The following NLRP10 variants were observed in gnomAD, a reference collection of about 807,000 sequenced individuals.
NLRP10 encodes NLR family pyrin domain containing 10.
NLRP10 carries 7 observed loss-of-function variants against 8.2 expected under a neutral mutation model. The ratio of observed to expected loss-of-function variants is 0.85; its 90% CI spans 0.48 to 1.60. The LOEUF (loss-of-function observed/expected upper bound fraction) is 1.60. Ranked by LOEUF, NLRP10 falls within the 40% of genes most tolerant of loss-of-function variation. The probability of loss-of-function intolerance (pLI) is 0.00; values close to 1 mark genes in which losing one functional copy is unlikely to be tolerated. For missense variants in NLRP10, 814 were observed against 776.3 expected (o/e 1.05, Z -0.58); for synonymous variants, 338 against 314.0 (o/e 1.08, Z -0.81).
Position 7,960,105 on chromosome 11 carries a change from C to T in NLRP10, c.1507G>A (p.Glu503Lys). ...GTCATCTCATCATTCCCTTCCTGCTCCTTTACCTCCAGCAGCCTTTGCACT... is the reference window on the plus strand; with the variant it reads ...GTCATCTCATCATTCCCTTCCTGCTTCTTTACCTCCAGCAGCCTTTGCACT... The part of the protein sequence containing the change: ...REVQRLLEVK[E>K]QEGNDEMTLT... Residue 503 changes from glutamate to lysine, a missense_variant, in exon 3 of 3, where the codon GAG becomes AAG. Transcript: ENST00000691676. The T allele has an allele frequency of 1.2e-6, 2 of 1,614,136 alleles. No homozygotes were observed. Among genetic ancestry groups the T allele is most frequent in the Non-Finnish European group, 8.5e-7 (1 of 1,180,010 alleles).
At position 7,960,161 on chromosome 11, in the gene NLRP10, T is replaced by C; in HGVS notation, c.1451A>G (p.Gln484Arg). ...HAMSYLVKED[Q>R]SRLGKESRRE... ...GCGGGACTCCTTCCCCAGCCGGCTT[T>C]GGTCCTCTTTCACCAGGTAAGACAT... Residue 484 changes from glutamine (Q) to arginine (R), a missense_variant, in exon 3 of 3, where the codon CAA (glutamine) becomes CGA (arginine). Transcript: ENST00000691676. 1.2e-6 allele frequency: 2 copies of C among 1,614,200 alleles called. No homozygotes were observed. Among genetic ancestry groups the C allele is most frequent in the Non-Finnish European group, 8.5e-7 (1 of 1,180,040 alleles).
Position 7,963,546 on chromosome 11 carries a change from G to A in NLRP10, c.-45-6C>T, listed in dbSNP as rs1564879588. 6.5e-7 allele frequency: 1 copy of A among 1,531,190 alleles called. No homozygotes were observed. The highest frequency in any genetic ancestry group is 8.8e-7 in the Non-Finnish European group (1 of 1,133,076). 94.9% of individuals were successfully genotyped at this position (1,531,190 alleles called of 1,614,324 possible). On this transcript the variant is annotated splice_polypyrimidine_tract_variant and splice_region_variant and intron_variant, in intron 1 of 2. Coordinates refer to ENST00000691676, the MANE Select transcript of NLRP10 (RefSeq NM_001391958.1). Reference sequence around the variant, plus strand: ...CAGACCAGAAGACCAGTGACCTGGAGAAAGAGGCAAAAGGAGAGGTCCACT... The same window carrying A: ...CAGACCAGAAGACCAGTGACCTGGAAAAAGAGGCAAAAGGAGAGGTCCACT...
chr11:7,960,199 G>A lies in NLRP10; in HGVS notation c.1413C>T (p.Asp471=). 1 of 1,614,166 alleles carries A rather than the reference G, an allele frequency of 6.2e-7. No homozygotes were observed. The highest frequency in any genetic ancestry group is 8.5e-7 in the Non-Finnish European group (1 of 1,180,036). Residue 471 remains aspartate (D), a synonymous_variant, in exon 3 of 3, where the codon GAC becomes GAT. Transcript: ENST00000691676. ...CCAGGTAAGACATGGCATGAAAAAA[G>A]TCCTGGAAGCTGATGTGGCGGAAGC... ...FYSFRHISFQ[D]FFHAMSYLVK...
rs572676160 is a variant in NLRP10, at chr11:7,957,994, C to A, written c.*1650G>T. Among the ~76,000 whole-genome samples the A allele has an allele frequency of 5.3e-5, 8 of 152,296 alleles. No individual in the cohort carries two copies. Among genetic ancestry groups the A allele is most frequent in the African/African-American group, 1.4e-4 (6 of 41,568 alleles). On this transcript the variant is annotated 3_prime_UTR_variant, in exon 3 of 3. Coordinates refer to ENST00000691676, the MANE Select transcript of NLRP10 (RefSeq NM_001391958.1). ...GTATGTAGCCTTTTCAGACTGACTT[C>A]TTTCACTTAGTAGTTGCATTTAAGG...
Position 7,959,891 on chromosome 11 carries a change from T to A in NLRP10, c.1721A>T (p.Asn574Ile). The change falls in exon 3 of 3, where the codon AAT (asparagine) becomes ATT (isoleucine). Residue 574 changes from asparagine (N) to isoleucine (I), a missense_variant. Transcript: ENST00000691676. ...GTTCATCTGAATACCTTTTACCAGA[T>A]TCTTTATTTTAGCTTCATACAGGGA... ...EFSLYEAKIK[N>I]LVKGIQMNNV... 3 of 1,613,824 alleles carry A rather than the reference T, an allele frequency of 1.9e-6. No homozygotes were observed. The highest frequency in any genetic ancestry group is 2.5e-6 in the Non-Finnish European group (3 of 1,179,682).
chr11:7,958,653 A>T lies in NLRP10; in HGVS notation c.*991T>A, dbSNP rs1941662221. 6.6e-6 allele frequency among the ~76,000 whole-genome samples: 1 copy of T among 151,796 alleles called. No individual in the cohort carries two copies. Among genetic ancestry groups the T allele is most frequent in the Admixed American group, 6.6e-5 (1 of 15,244 alleles). On this transcript the variant is annotated 3_prime_UTR_variant, in exon 3 of 3. Transcript: ENST00000691676. ...CAACCTCCGCCTCCCAGATTCAAGC[A>T]ATTCTCCTGCCTCAGCCTCCTGAGT...
chr11:7,960,518 TGCAGCCAGGA>T lies in NLRP10; in HGVS notation c.1084_1093del (p.Ser362ArgfsTer11), dbSNP rs1941698117. 1 of 1,614,186 alleles carries T rather than the reference TGCAGCCAGGA, an allele frequency of 6.2e-7. No homozygotes were observed. The highest frequency in any genetic ancestry group is 8.5e-7 in the Non-Finnish European group (1 of 1,180,036). On this transcript the variant is annotated frameshift_variant, in exon 3 of 3. Coordinates refer to ENST00000691676, the MANE Select transcript of NLRP10 (RefSeq NM_001391958.1). LOFTEE classifies it low-confidence loss of function (END_TRUNC). ...AACTTTGCCTCTCTCCATCTGCCCC[TGCAGCCAGGA>T]GCAGACCACCCAGCAAATGCCTGGA...
chr11:7,963,925 A>T, intron 1 of NLRP10, among the ~76,000 whole-genome samples: 1 of 151,340 alleles, frequency 6.6e-6, no homozygotes, highest in Non-Finnish European at 1.5e-5. Flanking sequence ...TAAGTTTTTT[A>T]TTTTATTTTT....
In NLRP10 at chr11:7,960,777, T is replaced by A; in HGVS notation, c.835A>T (p.Arg279Trp). The A allele has an allele frequency of 1.9e-6, 3 of 1,614,098 alleles. No homozygotes were observed. The highest frequency in any genetic ancestry group is 2.5e-6 in the Non-Finnish European group (3 of 1,180,018). ...PKESLLHLLIRRHTLPTCSLL... is the reference protein window; with the variant it reads ...PKESLLHLLIWRHTLPTCSLL... ...GAGCACGTGGGGAGTGTATGTCTCC[T>A]AATTAGAAGGTGCAGCAGGCTCTCC... The change falls in exon 3 of 3, where the codon AGG becomes TGG. Residue 279 changes from arginine (R) to tryptophan (W), a missense_variant. Transcript: ENST00000691676.
At position 7,960,147 on chromosome 11, in the gene NLRP10, TC is replaced by T; in HGVS notation, c.1464del (p.Lys489ArgfsTer13). The part of the protein sequence containing the change: ...YLVKEDQSRL[G>X]KESRREVQRL... ...CTTTGCACTTCTCTGCGGGACTCCTTCCCCAGCCGGCTTTGGTCCTCTTTCA... is the reference window on the plus strand; with the variant it reads ...CTTTGCACTTCTCTGCGGGACTCCTTCCCAGCCGGCTTTGGTCCTCTTTCA... On this transcript the variant is annotated frameshift_variant, in exon 3 of 3. Coordinates refer to ENST00000691676, the MANE Select transcript of NLRP10 (RefSeq NM_001391958.1). LOFTEE classifies it low-confidence loss of function (END_TRUNC). The T allele has an allele frequency of 6.2e-7, 1 of 1,614,094 alleles. No individual in the cohort carries two copies. Among genetic ancestry groups the T allele is most frequent in the Non-Finnish European group, 8.5e-7 (1 of 1,180,012 alleles).
At position 7,961,157 on chromosome 11, in the gene NLRP10, A is replaced by G; in HGVS notation, c.455T>C (p.Val152Ala). The G allele has an allele frequency of 1.2e-6, 2 of 1,613,962 alleles. No individual in the cohort carries two copies. Among genetic ancestry groups the G allele is most frequent in the Non-Finnish European group, 1.7e-6 (2 of 1,179,932 alleles). ...FPEQELESVT[V>A]EALFDSGEKP... ...TTCCCCTGAATCAAATAGAGCCTCC[A>G]CCGTGACAGACTCCAGCTCCTGCTC... The change falls in exon 3 of 3, where the codon GTG becomes GCG. Residue 152 changes from valine (V) to alanine (A), a missense_variant. Val to Ala is a moderately conservative substitution (Grantham distance 64). Transcript: ENST00000691676.
rs749163721 is a variant in NLRP10, at chr11:7,961,145, A to G, written c.467T>C (p.Phe156Ser). 4 of 1,613,824 alleles carry G rather than the reference A, an allele frequency of 2.5e-6. No individual in the cohort carries two copies. In the African/African-American group the frequency reaches 4.0e-5, roughly 16 times the overall value. The change falls in exon 3 of 3, where the codon TTT becomes TCT. Residue 156 changes from phenylalanine (F) to serine (S), a missense_variant. Physicochemically the swap from Phe to Ser is radical, Grantham distance 155. Transcript: ENST00000691676. ...CAGTGAGGGCTTTTCCCCTGAATCA[A>G]ATAGAGCCTCCACCGTGACAGACTC... ...ELESVTVEAL[F>S]DSGEKPSLAP...
intron 1 of NLRP10, 32 bp from the exon 2 acceptor site, chr11:7,963,572 G>A (rs909966978): frequency 7.4e-7 from 1 of 1,357,044 alleles, no homozygotes. Context: ...GAGGTCCACT[G>A]CTGAGAGGCC....
chr11:7,961,035 C>G lies in NLRP10; in HGVS notation c.577G>C (p.Gly193Arg). The G allele has an allele frequency of 1.9e-6, 3 of 1,614,184 alleles. No individual in the cohort carries two copies. Among genetic ancestry groups the G allele is most frequent in the South Asian group, 2.2e-5 (2 of 91,082 alleles). Residue 193 changes from glycine (G) to arginine (R), a missense_variant, in exon 3 of 3, where the codon GGT (glycine) becomes CGT (arginine). Gly to Arg is a moderately radical substitution (Grantham distance 125, BLOSUM62 -2). Transcript: ENST00000691676. ...TCAAACCGGCCTGGGTACAGAGTAC[C>G]GGTGGCCCAGTCCAACACCATTTTT... ...ARKMVLDWATGTLYPGRFDYV... is the reference protein window; with the variant it reads ...ARKMVLDWATRTLYPGRFDYV...
chr11:7,962,656 G>C (rs1231682041), intron 2 of NLRP10, among the ~76,000 whole-genome samples: 2 of 152,112 alleles, frequency 1.3e-5, no homozygotes, highest in Non-Finnish European at 2.9e-5. Flanking sequence ...GAGCTTTCAA[G>C]CATGAAAGGA....
intron 2 of NLRP10, among the ~76,000 whole-genome samples, chr11:7,962,532 A>G (rs12419133): frequency 0.34 from 52,287 of 151,574 alleles, 9,065 homozygotes; most frequent in South Asian, 0.4. Flanking sequence ...CACTGCGCCC[A>G]GCCGATAAGC....
In NLRP10 at chr11:7,958,883, T is replaced by C. The variant is rs1365724497; in HGVS notation, c.*761A>G. On this transcript the variant is annotated 3_prime_UTR_variant, in exon 3 of 3. Coordinates refer to ENST00000691676, the MANE Select transcript of NLRP10 (RefSeq NM_001391958.1). ...TTGTATTTTTTTTTACCCAAGTCTT[T>C]TATCAGATATGTGTTTGCAAATATT... is the stretch of plus-strand genomic sequence containing the variant. 6.6e-6 allele frequency among the ~76,000 whole-genome samples: 1 copy of C among 152,208 alleles called. No individual in the cohort carries two copies. The highest frequency in any genetic ancestry group is 2.4e-5 in the African/African-American group (1 of 41,454).
chr11:7,964,751 G>A (rs1035372665), intron 1 of NLRP10, among the ~76,000 whole-genome samples: 3 of 152,286 alleles, frequency 2.0e-5, no homozygotes, highest in East Asian at 1.9e-4. Flanking sequence ...CTAAAGTAAC[G>A]GGAAAGGAGA....
At chr11:7,963,620 G>A (rs1434328841) in intron 1 of NLRP10, 80 bp from the exon 2 acceptor site, 10 of 728,716 alleles carry the variant, frequency 1.4e-5, no homozygotes, top group East Asian at 2.7e-5. Context: ...GTTATAGAGC[G>A]GAGGCCAGGG....
Sources: allele counts gnomAD v4.1 joint callset (sites outside exome capture counted in the v4.1 genomes callset), GRCh38; gene constraint gnomAD v4.1.1; transcripts MANE v1.5; gene names NCBI Gene and HGNC (gene_info 2026-07-23, HGNC 2026-07-21).